Variants in SPTLC3 observed in about 807,000 individuals in gnomAD.
The protein encoded by SPTLC3 is serine palmitoyltransferase 3.
SPTLC3 carries 36 observed loss-of-function variants against 59.3 expected under a neutral mutation model. That is an observed-to-expected ratio of 0.61 (90% confidence interval 0.47 to 0.80). The LOEUF (loss-of-function observed/expected upper bound fraction) is 0.80, where lower values mean the gene tolerates loss of function less well. SPTLC3 is among the 30% of genes least tolerant of loss of function. The pLI, the probability that SPTLC3 is intolerant of heterozygous loss-of-function variation, is 0.00. For synonymous variants in SPTLC3, 257 were observed against 240.8 expected (o/e 1.07, Z -0.62); for missense variants, 625 against 685.1 (o/e 0.91, Z 0.98).
At chr20:13,068,910 C>T (rs977204009) in intron 2 of SPTLC3, among the ~76,000 whole-genome samples, 4 of 152,178 alleles carry the variant, frequency 2.6e-5, no homozygotes, top group Non-Finnish European at 5.9e-5. Flanking sequence ...ATCTTGCCCT[C>T]AAAGCATTTA....
intron 1 of SPTLC3, among the ~76,000 whole-genome samples, chr20:13,026,676 A>C (rs1167214224): frequency 2.0e-5 from 3 of 152,200 alleles, no homozygotes; most frequent in Admixed American, 2.0e-4. Context: ...TTAGGTGCGA[A>C]CAAAGTGCAG....
At chr20:13,111,202 G>A (rs1207477841) in intron 7 of SPTLC3, among the ~76,000 whole-genome samples, 1 of 152,068 alleles carries the variant, frequency 6.6e-6, no homozygotes, top group African/African-American at 2.4e-5. Context: ...GTCCTACTGT[G>A]GGAAATGCAA....
chr20:13,021,825 G>A (rs566716981), intron 1 of SPTLC3, among the ~76,000 whole-genome samples: 30 of 152,248 alleles, frequency 2.0e-4, no homozygotes, highest in African/African-American at 7.0e-4. Flanking sequence ...AACTATCAGA[G>A]TGTCATTTCC....
Position 13,163,905 on chromosome 20 carries a change from T to A in SPTLC3, c.1546-849T>A, listed in dbSNP as rs117926908. ...CTAGAATTGAAAATGACCTTTTTTT[T>A]ATTTTATTATTAATATACTTTAAGT... On this transcript the variant is annotated intron_variant, in intron 11 of 11. Coordinates refer to ENST00000399002, the MANE Select transcript of SPTLC3 (RefSeq NM_018327.4). Among the ~76,000 whole-genome samples the A allele has an allele frequency of 2.1e-3, 316 of 152,302 alleles. 4 individuals carry two copies. The East Asian group carries it at 0.055, about 27-fold the overall frequency.
Position 13,009,425 on chromosome 20 carries a change from A to G in SPTLC3, c.117+41A>G, listed in dbSNP as rs777394491. 19 of 1,514,886 alleles carry G rather than the reference A, an allele frequency of 1.3e-5. No homozygotes were observed. In the East Asian group the frequency reaches 4.3e-4, roughly 34 times the overall value. The allele number at this position is 1,514,886 out of a possible 1,614,324, so 93.8% of individuals were successfully genotyped here. On this transcript the variant is annotated intron_variant, in intron 1 of 11. Coordinates refer to ENST00000399002, the MANE Select transcript of SPTLC3 (RefSeq NM_018327.4). ...CCCTACTCTTCTCTGAATTACCTGA[A>G]CGTTTCAATATTTCTCTGTGAAGAT...
At chr20:13,089,514 A>G (rs1221436216) in intron 4 of SPTLC3, among the ~76,000 whole-genome samples, 1 of 152,270 alleles carries the variant, frequency 6.6e-6, no homozygotes, top group East Asian at 1.9e-4. Context: ...GGCCAGGTGC[A>G]GTGGCTCACG....
chr20:13,118,258 A>T (rs552343960), intron 8 of SPTLC3, among the ~76,000 whole-genome samples: 1 of 152,134 alleles, frequency 6.6e-6, no homozygotes, highest in South Asian at 2.1e-4. Context: ...AAACGGTGGC[A>T]GGAATGTACT....
At chr20:13,022,078 T>C (rs1985915336) in intron 1 of SPTLC3, among the ~76,000 whole-genome samples, 1 of 152,230 alleles carries the variant, frequency 6.6e-6, no homozygotes, top group African/African-American at 2.4e-5. Flanking sequence ...TCATGTTTCC[T>C]CCTCCCGCTC....
chr20:13,039,110 C>T (rs1384912649), intron 1 of SPTLC3, among the ~76,000 whole-genome samples: 1 of 151,902 alleles, frequency 6.6e-6, no homozygotes, highest in South Asian at 2.1e-4. Context: ...TTTGGGGAGA[C>T]GTGTTCCATA....
intron 1 of SPTLC3, among the ~76,000 whole-genome samples, chr20:13,020,478 T>C (rs1985821166): frequency 6.6e-6 from 1 of 152,152 alleles, no homozygotes; most frequent in Admixed American, 6.6e-5. Flanking sequence ...CCGTGAGCTG[T>C]GATTGCTCCA....
At chr20:13,014,617 T>C (rs1272452362) in intron 1 of SPTLC3, among the ~76,000 whole-genome samples, 3 of 151,694 alleles carry the variant, frequency 2.0e-5, no homozygotes, top group African/African-American at 7.3e-5. Context: ...GTGCAAGAAA[T>C]TTATTAGGGA....
intron 9 of SPTLC3, among the ~76,000 whole-genome samples, chr20:13,129,378 A>G (rs2038069489): frequency 6.6e-6 from 1 of 152,214 alleles, no homozygotes; most frequent in Admixed American, 6.5e-5. Flanking sequence ...TTTCTGCTGT[A>G]TGAAAAACTG....
At chr20:13,035,840 C>T (rs936449639) in intron 1 of SPTLC3, among the ~76,000 whole-genome samples, 2 of 152,130 alleles carry the variant, frequency 1.3e-5, no homozygotes, top group Admixed American at 6.6e-5. Context: ...TTAAAATACT[C>T]ATTTCTTAAA....
At chr20:13,089,524 G>A (rs1347638387) in intron 4 of SPTLC3, among the ~76,000 whole-genome samples, 1 of 152,052 alleles carries the variant, frequency 6.6e-6, no homozygotes, top group Non-Finnish European at 1.5e-5. Context: ...AGTGGCTCAC[G>A]CCTGTAATCC....
chr20:13,118,621 C>T (rs939090132), intron 8 of SPTLC3, among the ~76,000 whole-genome samples: 2 of 152,132 alleles, frequency 1.3e-5, no homozygotes, highest in African/African-American at 4.8e-5. Flanking sequence ...CTCAGACAAA[C>T]CTACACCTGT....
chr20:13,081,105 G>T (rs1988828750), intron 4 of SPTLC3, among the ~76,000 whole-genome samples: 1 of 152,140 alleles, frequency 6.6e-6, no homozygotes, highest in Non-Finnish European at 1.5e-5. Flanking sequence ...GGCCGAAGTT[G>T]AGGACAGCTT....
chr20:13,120,355 A>T (rs1034751721), intron 8 of SPTLC3, among the ~76,000 whole-genome samples: 1 of 152,224 alleles, frequency 6.6e-6, no homozygotes, highest in Non-Finnish European at 1.5e-5. Context: ...AACAAAATTG[A>T]ACATAAAAAA....
At chr20:13,019,904 G>T (rs907163594) in intron 1 of SPTLC3, among the ~76,000 whole-genome samples, 1 of 152,162 alleles carries the variant, frequency 6.6e-6, no homozygotes, top group Non-Finnish European at 1.5e-5. Flanking sequence ...GGAGTTCAAG[G>T]ATTCCTTTGA....
At chr20:13,032,394 A>G (rs1986523536) in intron 1 of SPTLC3, among the ~76,000 whole-genome samples, 1 of 152,198 alleles carries the variant, frequency 6.6e-6, no homozygotes, top group African/African-American at 2.4e-5. Context: ...GAACATCCCA[A>G]TGAAAGCACA....
Sources: allele counts gnomAD v4.1 joint callset (sites outside exome capture counted in the v4.1 genomes callset), GRCh38; gene constraint gnomAD v4.1.1; transcripts MANE v1.5; gene names NCBI Gene and HGNC (gene_info 2026-07-23, HGNC 2026-07-21).